Variants in ABLIM3 observed in about 807,000 individuals in gnomAD.
ABLIM3 encodes the protein actin-binding LIM protein 3.
Under a neutral mutation model 109.5 loss-of-function variants are expected in ABLIM3, and 61 were observed. The ratio of observed to expected loss-of-function variants is 0.56; its 90% confidence interval spans 0.45 to 0.69. ABLIM3 has a LOEUF of 0.69. Ranked by LOEUF, ABLIM3 falls within the 30% of genes least tolerant of loss-of-function variation. The probability of loss-of-function intolerance (pLI) is 0.00; values close to 1 mark genes in which losing one functional copy is unlikely to be tolerated. For missense variants in ABLIM3, 796 were observed against 889.5 expected, an observed-to-expected ratio of 0.89 and a Z score of 1.34; for synonymous variants, 300 against 324.8, an observed-to-expected ratio of 0.92 and a Z score of 0.82.
intron 6 of ABLIM3, among the ~76,000 whole-genome samples, chr5:149,207,722 C>A (rs914801115): frequency 6.6e-6 from 1 of 152,138 alleles, no homozygotes; most frequent in Admixed American, 6.5e-5. Context: ...TTGTTTTAAT[C>A]ACTGCTATAT....
Position 149,245,018 on chromosome 5 carries a change from A to G in ABLIM3, c.1486+3A>G. 1 of 1,614,218 alleles carries G rather than the reference A, an allele frequency of 6.2e-7. No homozygotes were observed. The highest frequency in any genetic ancestry group is 8.5e-7 in the Non-Finnish European group (1 of 1,180,026). On this transcript the variant is annotated splice_donor_region_variant and intron_variant, in intron 16 of 23. Coordinates refer to ENST00000309868, the MANE Select transcript of ABLIM3 (RefSeq NM_014945.5). ...GACCTACCATGGGTCCCCCAAAGGT[A>G]GTACCCCCATAGGAGCCTGGGTCCA...
intron 2 of ABLIM3, 64 bp downstream of exon 2, chr5:149,142,172 G>C: frequency 6.3e-7 from 1 of 1,585,760 alleles, no homozygotes; most frequent in Non-Finnish European, 8.7e-7. Context: ...GAGGGAGCCT[G>C]CGCTCGGGCT....
intron 3 of ABLIM3, among the ~76,000 whole-genome samples, chr5:149,186,543 T>TG (rs1333809068): frequency 6.6e-6 from 1 of 152,144 alleles, no homozygotes; most frequent in Admixed American, 6.5e-5. Context: ...ATATAAAATA[T>TG]GTAATAGAGT....
At chr5:149,173,355 C>G (rs1444731327) in intron 2 of ABLIM3, among the ~76,000 whole-genome samples, 1 of 152,236 alleles carries the variant, frequency 6.6e-6, no homozygotes. Context: ...GTGCTTGCAA[C>G]GGCTTCAGGA....
intron 14 of ABLIM3, 115 bp downstream of exon 14, chr5:149,240,889 C>A: frequency 1.1e-6 from 1 of 915,038 alleles, no homozygotes. Flanking sequence ...CCTGAGGGAC[C>A]TCCCTAACCA....
At chr5:149,154,377 C>T (rs1316911043) in intron 2 of ABLIM3, among the ~76,000 whole-genome samples, 1 of 152,174 alleles carries the variant, frequency 6.6e-6, no homozygotes, top group East Asian at 1.9e-4. Flanking sequence ...TATAAATCCC[C>T]CTTTCAACTG....
At chr5:149,177,417 A>C (rs920887619) in intron 2 of ABLIM3, among the ~76,000 whole-genome samples, 3 of 152,232 alleles carry the variant, frequency 2.0e-5, no homozygotes, top group Non-Finnish European at 4.4e-5. Context: ...CCTCCCCTGG[A>C]AACAGCAGAT....
At chr5:149,194,133 C>CA (rs139442991) in intron 3 of ABLIM3, among the ~76,000 whole-genome samples, 7,581 of 151,886 alleles carry the variant, frequency 0.05, 576 homozygotes, top group African/African-American at 0.17. Flanking sequence ...AAAAGGGGAG[C>CA]AAAAGCAAGC....
intron 2 of ABLIM3, among the ~76,000 whole-genome samples, chr5:149,179,559 A>G (rs1486428375): frequency 6.6e-6 from 1 of 152,222 alleles, no homozygotes; most frequent in Non-Finnish European, 1.5e-5. Flanking sequence ...CTTTAGGGAT[A>G]AAAATGAATC....
At chr5:149,197,664 C>G (rs1338093927) in intron 3 of ABLIM3, among the ~76,000 whole-genome samples, 2 of 152,196 alleles carry the variant, frequency 1.3e-5, no homozygotes, top group African/African-American at 4.8e-5. Flanking sequence ...ATATGGTCCT[C>G]ACACTGCTCT....
chr5:149,216,889 C>A, intron 7 of ABLIM3, 70 bp from the exon 8 acceptor site: 1 of 1,402,502 alleles, frequency 7.1e-7, no homozygotes, highest in Admixed American at 1.7e-5. Context: ...AGGAAAGATT[C>A]AAACCCAATC....
At chr5:149,141,885 T>G (rs1422684331) in intron 1 of ABLIM3, 124 bp from the exon 2 acceptor site, 7 of 676,096 alleles carry the variant, frequency 1.0e-5, no homozygotes, top group Non-Finnish European at 1.8e-5. Context: ...TGCTCTCACC[T>G]GCGCCTATTA....
chr5:149,176,764 C>T (rs1040792459), intron 2 of ABLIM3, among the ~76,000 whole-genome samples: 6 of 152,134 alleles, frequency 3.9e-5, no homozygotes, highest in South Asian at 2.1e-4. Flanking sequence ...TCATGCATGG[C>T]GTCACTTCCA....
chr5:149,251,049 G>GA (rs1753875057), intron 20 of ABLIM3, among the ~76,000 whole-genome samples: 1 of 152,196 alleles, frequency 6.6e-6, no homozygotes, highest in Non-Finnish European at 1.5e-5. Flanking sequence ...GAGAGTTCAT[G>GA]GAAGGAGTGA....
chr5:149,142,141 A>G (rs776505228), intron 2 of ABLIM3, 33 bp downstream of exon 2: 3 of 1,480,890 alleles, frequency 2.0e-6, no homozygotes, highest in Middle Eastern at 3.5e-4. Context: ...TGCCATGGGA[A>G]CAGGGGTGGG....
At chr5:149,239,909 GA>G in intron 13 of ABLIM3, 21 bp downstream of exon 13, 1 of 1,585,604 alleles carries the variant, frequency 6.3e-7, no homozygotes, top group Non-Finnish European at 8.6e-7. Flanking sequence ...GGGAGGACCT[GA>G]AGGGAGAGGA....
At chr5:149,213,981 T>TA (rs1759808400) in intron 7 of ABLIM3, among the ~76,000 whole-genome samples, 1 of 83,146 alleles carries the variant, frequency 1.2e-5, no homozygotes, top group African/African-American at 4.2e-5. Context: ...GGCTGCTGTA[T>TA]CTACCGATAC....
At chr5:149,218,463 A>T in intron 8 of ABLIM3, 1 of 152,398 alleles carries the variant, frequency 6.6e-6, no homozygotes, top group Non-Finnish European at 1.5e-5. Flanking sequence ...ACTGAACAAA[A>T]AGTGGAATAG....
intron 3 of ABLIM3, among the ~76,000 whole-genome samples, chr5:149,192,125 C>T (rs1561570869): frequency 6.6e-6 from 1 of 152,010 alleles, no homozygotes; most frequent in Non-Finnish European, 1.5e-5. Flanking sequence ...GATAGAGGTG[C>T]TCACTGTCAT....
Sources: gnomAD v4.1 joint callset for allele counts (sites outside exome capture counted in the v4.1 genomes callset) on GRCh38, gnomAD v4.1.1 for gene constraint, MANE v1.5 for transcripts, NCBI Gene and HGNC (gene_info 2026-07-23, HGNC 2026-07-21) for gene names.